CEP85L: variants seen among roughly 807,000 people sequenced by gnomAD.
CEP85L encodes the protein centrosomal protein 85L.
A neutral mutation model predicts 100.3 loss-of-function variants in CEP85L; 60 were observed. The observed-to-expected ratio is 0.60, with a 90% CI of 0.49 to 0.74. CEP85L has a LOEUF of 0.74. Ranked by LOEUF, CEP85L falls within the 30% of genes least tolerant of loss-of-function variation. The pLI is 0.00. For missense variants in CEP85L, 973 were observed against 936.2 expected, an observed-to-expected ratio of 1.04 and a Z score of -0.51; for synonymous variants, 319 against 322.7, an observed-to-expected ratio of 0.99 and a Z score of 0.12.
chr6:118,546,419 T>C (rs1778206892), intron 3 of CEP85L, among the ~76,000 whole-genome samples: 1 of 152,188 alleles, frequency 6.6e-6, no homozygotes, highest in East Asian at 1.9e-4. Flanking sequence ...TTACTAATTC[T>C]ATTTTCTTAG....
At chr6:118,499,564 T>C (rs990534987) in intron 5 of CEP85L, among the ~76,000 whole-genome samples, 2 of 152,008 alleles carry the variant, frequency 1.3e-5, no homozygotes, top group Admixed American at 6.6e-5. Flanking sequence ...CTCGGGAGGC[T>C]GAGGCAGGAG....
At chr6:118,524,026 CTT>C (rs1034088029) in intron 3 of CEP85L, 106 bp from the exon 4 acceptor site, 14 of 473,372 alleles carry the variant, frequency 3.0e-5, no homozygotes, top group Admixed American at 1.2e-4. Flanking sequence ...AGAACTCCCT[CTT>C]TGATTTTTTA....
intron 1 of CEP85L, among the ~76,000 whole-genome samples, chr6:118,692,540 A>T (rs796216334): frequency 2.0e-4 from 30 of 152,292 alleles, no homozygotes; most frequent in African/African-American, 6.3e-4. Context: ...GACTACTTTG[A>T]AACATCTGGG....
At chr6:118,559,238 A>G (rs1251709391) in intron 3 of CEP85L, 1 of 709,942 alleles carries the variant, frequency 1.4e-6, no homozygotes, top group Non-Finnish European at 2.6e-6. Context: ...TATTGTTACC[A>G]TATGTATTCA....
At chr6:118,613,742 A>G (rs1183788063) in intron 2 of CEP85L, among the ~76,000 whole-genome samples, 3 of 112,280 alleles carry the variant, frequency 2.7e-5, no homozygotes, top group Admixed American at 1.2e-4. Flanking sequence ...GGGCAACAAG[A>G]GCAAATCTGT....
intron 2 of CEP85L, among the ~76,000 whole-genome samples, chr6:118,569,274 G>A (rs1270091302): frequency 2.0e-5 from 3 of 148,544 alleles, no homozygotes; most frequent in East Asian, 2.0e-4. Flanking sequence ...CCTGTGAGGC[G>A]GAGGCTGCAG....
chr6:118,552,777 A>C (rs1778626926), intron 3 of CEP85L, among the ~76,000 whole-genome samples: 1 of 152,024 alleles, frequency 6.6e-6, no homozygotes, highest in Non-Finnish European at 1.5e-5. Context: ...CATTCCCCTA[A>C]AAAGTAGAGT....
At chr6:118,704,677 G>T (rs4946357) in intron 1 of CEP85L, among the ~76,000 whole-genome samples, 36,577 of 151,902 alleles carry the variant, frequency 0.24, 5,562 homozygotes, top group East Asian at 0.62. Context: ...CACCACGTTG[G>T]CCAGGCTGGT....
chr6:118,482,134 G>A (rs893699005), intron 7 of CEP85L, among the ~76,000 whole-genome samples: 2 of 151,834 alleles, frequency 1.3e-5, no homozygotes, highest in Non-Finnish European at 2.9e-5. Context: ...AGAATTACAA[G>A]GAAGAGAATG....
Position 118,600,674 on chromosome 6 carries a change from T to C in CEP85L, c.232+31779A>G, listed in dbSNP as rs1024931963. On this transcript the variant is annotated intron_variant, in intron 2 of 12. Coordinates refer to ENST00000368491, the MANE Select transcript of CEP85L (RefSeq NM_001042475.3). ...CCAGTCAAGCTACCAACCTGGTCCT[T>C]AATTTCTCTGGTGCTGGCTGAAAAT... is the stretch of plus-strand genomic sequence containing the variant. Among the ~76,000 whole-genome samples the C allele has an allele frequency of 2.0e-5, 3 of 151,870 alleles. No individual in the cohort carries two copies. In the East Asian group the frequency reaches 5.8e-4, roughly 29 times the overall value.
intron 2 of CEP85L, among the ~76,000 whole-genome samples, chr6:118,619,971 G>A (rs1469703522): frequency 6.6e-6 from 1 of 152,184 alleles, no homozygotes; most frequent in African/African-American, 2.4e-5. Flanking sequence ...CCCTCATTGG[G>A]ATACTGACTC....
intron 5 of CEP85L, among the ~76,000 whole-genome samples, chr6:118,497,658 C>G (rs542582116): frequency 1.3e-5 from 2 of 152,232 alleles, no homozygotes; most frequent in South Asian, 2.1e-4. Flanking sequence ...AGTTATCCTT[C>G]AAGAGCGAAA....
At chr6:118,481,703 ATAAAT>A (rs1773795985) in intron 8 of CEP85L, 71 bp downstream of exon 8, 2 of 878,942 alleles carry the variant, frequency 2.3e-6, no homozygotes, top group Admixed American at 3.7e-5. Context: ...AATAAAAATT[ATAAAT>A]TAATTTAAGT....
At chr6:118,559,809 T>A (rs1196777057) in intron 3 of CEP85L, 1 of 167,464 alleles carries the variant, frequency 6.0e-6, no homozygotes, top group African/African-American at 2.4e-5. Flanking sequence ...TTCTAAGACA[T>A]ATGATCAACA....
chr6:118,567,271 A>G (rs1444478341), intron 2 of CEP85L, among the ~76,000 whole-genome samples: 1 of 142,984 alleles, frequency 7.0e-6, no homozygotes, highest in Non-Finnish European at 1.5e-5. Context: ...ATATATATAT[A>G]TATATATATA....
intron 5 of CEP85L, 108 bp downstream of exon 5, chr6:118,511,190 G>T: frequency 4.1e-6 from 3 of 731,412 alleles, no homozygotes; most frequent in Non-Finnish European, 4.6e-6. Context: ...TATAAATCAT[G>T]TGAATACATT....
chr6:118,657,695 C>CT (rs1261141620), intron 1 of CEP85L, among the ~76,000 whole-genome samples: 2 of 151,980 alleles, frequency 1.3e-5, no homozygotes, highest in Non-Finnish European at 2.9e-5. Flanking sequence ...GGAGAAGGTC[C>CT]TCAATGCTTC....
At chr6:118,651,724 T>TGCGGGGGGCGGGGACTGCGGGGGGCGGGG (rs1775581622), upstream of CEP85L, 1 of 962,496 alleles carries the variant, frequency 1.0e-6, no homozygotes, top group African/African-American at 1.8e-5. Context: ...GGGGGGCGGG[T>TGCGGGGGGCGGGGACTGCGGGGGGCGGGG]GAGCTACCCC....
At chr6:118,701,086 G>T (rs557646755) in intron 1 of CEP85L, among the ~76,000 whole-genome samples, 1 of 152,188 alleles carries the variant, frequency 6.6e-6, no homozygotes, top group African/African-American at 2.4e-5. Context: ...CTCCCATTCA[G>T]AGTGATTTGC....
Sources: allele counts gnomAD v4.1 joint callset (sites outside exome capture counted in the v4.1 genomes callset), GRCh38; gene constraint gnomAD v4.1.1; transcripts MANE v1.5; gene names NCBI Gene and HGNC (gene_info 2026-07-23, HGNC 2026-07-21).